The following LRRC8B variants were observed in gnomAD, a reference collection of about 807,000 sequenced individuals.
LRRC8B encodes volume-regulated anion channel subunit LRRC8B.
A neutral mutation model predicts 58.8 loss-of-function variants in LRRC8B; 23 were observed. That is an observed-to-expected ratio of 0.39 (90% CI 0.28 to 0.55). The LOEUF (loss-of-function observed/expected upper bound fraction) is 0.55. Among genes scored for constraint, LRRC8B ranks in the 20% least tolerant of loss-of-function variants. The pLI, the probability that LRRC8B is intolerant of heterozygous loss-of-function variation, is 0.62. For missense variants in LRRC8B, 694 were observed against 936.0 expected, an observed-to-expected ratio of 0.74 and a Z score of 3.37; for synonymous variants, 359 against 374.1, an observed-to-expected ratio of 0.96 and a Z score of 0.47.
intron 1 of LRRC8B, among the ~76,000 whole-genome samples, chr1:89,537,069 T>C (rs577439837): frequency 5.9e-5 from 9 of 152,292 alleles, no homozygotes; most frequent in South Asian, 4.1e-4. Context: ...TTCCACTGTG[T>C]CACAACTAAT....
At chr1:89,540,863 A>G (rs1190727367) in intron 1 of LRRC8B, among the ~76,000 whole-genome samples, 2 of 152,168 alleles carry the variant, frequency 1.3e-5, no homozygotes, top group East Asian at 1.9e-4. Flanking sequence ...TAAATATTCT[A>G]TTTCCTTTTA....
chr1:89,571,089 A>G (rs1402742648), intron 3 of LRRC8B, among the ~76,000 whole-genome samples: 1 of 152,190 alleles, frequency 6.6e-6, no homozygotes, highest in Non-Finnish European at 1.5e-5. Context: ...TTGTACCAGT[A>G]CCATGCTATT....
rs1570660437 is a variant in LRRC8B at position 89,594,038 on chromosome 1, C to T, written c.*995C>T. On this transcript the variant is annotated 3_prime_UTR_variant, in exon 6 of 6. Coordinates refer to ENST00000330947, the MANE Select transcript of LRRC8B (RefSeq NM_001369817.2). ...GGGGCATCCTGAAAATTAATGTATTCCCTAAAATTTCTTCTTGTCTATCAT... is the reference window on the plus strand; with the variant it reads ...GGGGCATCCTGAAAATTAATGTATTTCCTAAAATTTCTTCTTGTCTATCAT... 6.6e-6 allele frequency: 1 copy of T among 152,168 alleles called. No homozygotes were observed. Among genetic ancestry groups the T allele is most frequent in the East Asian group, 1.9e-4 (1 of 5,186 alleles). The allele number at this position is 152,168 out of a possible 1,614,324, so 9.4% of individuals were successfully genotyped here.
intron 1 of LRRC8B, among the ~76,000 whole-genome samples, 157 bp downstream of exon 1, chr1:89,525,179 G>A (rs1385583828): frequency 1.3e-5 from 2 of 152,268 alleles, no homozygotes; most frequent in Non-Finnish European, 2.9e-5. Flanking sequence ...CTGCGGGCCG[G>A]TAGCGCGGCT....
At chr1:89,552,213 C>G (rs1651876870) in intron 1 of LRRC8B, among the ~76,000 whole-genome samples, 1 of 152,062 alleles carries the variant, frequency 6.6e-6, no homozygotes, top group Non-Finnish European at 1.5e-5. Flanking sequence ...TAATACTAAG[C>G]TTACTCAAAT....
At chr1:89,546,481 C>T (rs1247980239) in intron 1 of LRRC8B, among the ~76,000 whole-genome samples, 1 of 152,166 alleles carries the variant, frequency 6.6e-6, no homozygotes, top group Non-Finnish European at 1.5e-5. Flanking sequence ...TAACTCACAT[C>T]TTCTTAGCCA....
At chr1:89,562,150 A>ACACACACAC (rs1652712000) in intron 1 of LRRC8B, among the ~76,000 whole-genome samples, 1 of 139,526 alleles carries the variant, frequency 7.2e-6, no homozygotes, top group African/African-American at 2.7e-5. Context: ...CACCTCCCAA[A>ACACACACAC]ACACACACAC....
At chr1:89,572,659 C>T (rs1653551057) in intron 3 of LRRC8B, 1 of 152,126 alleles carries the variant, frequency 6.6e-6, no homozygotes, top group Non-Finnish European at 1.5e-5. Flanking sequence ...GGGTTTTGTT[C>T]TACGTATTAT....
intron 4 of LRRC8B, among the ~76,000 whole-genome samples, chr1:89,581,273 C>CAAAAAAAAAAAAAAAA (rs5776023): frequency 1.4e-5 from 1 of 72,558 alleles, no homozygotes; most frequent in African/African-American, 5.8e-5. Context: ...GACTCCGTCT[C>CAAAAAAAAAAAAAAAA]AAAAAAAAAA....
chr1:89,538,187 A>T (rs970479258), intron 1 of LRRC8B, among the ~76,000 whole-genome samples: 13 of 152,204 alleles, frequency 8.5e-5, no homozygotes, highest in East Asian at 5.8e-4. Context: ...GGAGACCAGT[A>T]TCACAAGATA....
At chr1:89,549,125 T>G (rs1441270519) in intron 1 of LRRC8B, among the ~76,000 whole-genome samples, 5 of 152,214 alleles carry the variant, frequency 3.3e-5, no homozygotes, top group Non-Finnish European at 7.3e-5. Context: ...CAGAGCTTAC[T>G]GCTTACTGTG....
chr1:89,542,001 AT>A (rs1229290722), intron 1 of LRRC8B, among the ~76,000 whole-genome samples: 1 of 152,180 alleles, frequency 6.6e-6, no homozygotes, highest in African/African-American at 2.4e-5. Context: ...ACAGATTAAA[AT>A]TTTTTAATGT....
At position 89,593,910 on chromosome 1, in the gene LRRC8B, C is replaced by T. The variant is rs1010157668; in HGVS notation, c.*867C>T. The T allele has an allele frequency of 4.6e-5, 7 of 152,078 alleles. No individual in the cohort carries two copies. Among genetic ancestry groups the T allele is most frequent in the Non-Finnish European group, 1.0e-4 (7 of 68,004 alleles). The allele number at this position is 152,078 out of a possible 1,614,324, so 9.4% of individuals were successfully genotyped here. On this transcript the variant is annotated 3_prime_UTR_variant, in exon 6 of 6. Coordinates refer to ENST00000330947, the MANE Select transcript of LRRC8B (RefSeq NM_001369817.2). ...CCTTTCCCAGCTTGCTTGAGTCTTC[C>T]TTAACCTGGTTTTCTCTTAACACCA...
At chr1:89,547,805 C>T (rs1389976506) in intron 1 of LRRC8B, among the ~76,000 whole-genome samples, 6 of 133,236 alleles carry the variant, frequency 4.5e-5, no homozygotes, top group Non-Finnish European at 9.6e-5. Flanking sequence ...TCATAGTGGG[C>T]GGGGAGGGGA....
chr1:89,588,773 G>C (rs1654797461), intron 5 of LRRC8B, among the ~76,000 whole-genome samples: 1 of 152,194 alleles, frequency 6.6e-6, no homozygotes, highest in Non-Finnish European at 1.5e-5. Context: ...TAGGAGTATA[G>C]ATTTAAAACA....
chr1:89,541,119 A>G (rs1482328088), intron 1 of LRRC8B, among the ~76,000 whole-genome samples: 7 of 152,184 alleles, frequency 4.6e-5, no homozygotes, highest in Non-Finnish European at 8.8e-5. Context: ...GGGAAGTACT[A>G]TTTGTTCTAT....
At chr1:89,563,279 G>A (rs979058298) in intron 1 of LRRC8B, among the ~76,000 whole-genome samples, 1 of 151,682 alleles carries the variant, frequency 6.6e-6, no homozygotes, top group Non-Finnish European at 1.5e-5. Flanking sequence ...CATTTATATT[G>A]TTGTACAACC....
chr1:89,544,784 A>G (rs1176628309), intron 1 of LRRC8B, among the ~76,000 whole-genome samples: 1 of 152,234 alleles, frequency 6.6e-6, no homozygotes. Context: ...TGTTTGATGT[A>G]ACATGATAGA....
chr1:89,564,343 T>C (rs1420048834), intron 1 of LRRC8B, among the ~76,000 whole-genome samples: 1 of 152,200 alleles, frequency 6.6e-6, no homozygotes, highest in Non-Finnish European at 1.5e-5. Context: ...AATTGTCTCT[T>C]TTAGTTTTTC....
Sources: gnomAD v4.1 joint callset for allele counts (sites outside exome capture counted in the v4.1 genomes callset) on GRCh38, gnomAD v4.1.1 for gene constraint, MANE v1.5 for transcripts, NCBI Gene and HGNC (gene_info 2026-07-23, HGNC 2026-07-21) for gene names.